The following RBM27 variants were observed in gnomAD, a reference collection of about 807,000 sequenced individuals.
RBM27 encodes RNA-binding protein 27.
Under a neutral mutation model 135.3 loss-of-function variants are expected in RBM27, and 22 were observed. The ratio of observed to expected loss-of-function variants is 0.16; its 90% CI spans 0.12 to 0.23. RBM27 has a LOEUF of 0.23. Among genes scored for constraint, RBM27 ranks in the 10% least tolerant of loss-of-function variants. RBM27 has a pLI of 1.00. For synonymous variants in RBM27, 481 were observed against 442.4 expected, an observed-to-expected ratio of 1.09 and a Z score of -1.10; for missense variants, 1,009 against 1,281.0, an observed-to-expected ratio of 0.79 and a Z score of 3.24.
At chr5:146,267,570 C>G (rs1414566232) in intron 14 of RBM27, 79 bp from the exon 15 acceptor site, 21 of 957,344 alleles carry the variant, frequency 2.2e-5, no homozygotes, top group Non-Finnish European at 3.0e-5. Flanking sequence ...ATATATGCAT[C>G]TTTTCTAAAA....
intron 10 of RBM27, among the ~76,000 whole-genome samples, chr5:146,255,717 T>C (rs1758071836): frequency 1.3e-5 from 2 of 152,204 alleles, no homozygotes; most frequent in South Asian, 4.1e-4. Context: ...CCAGTTTTTT[T>C]CTAGCTATTA....
At chr5:146,265,890 A>G (rs1481348632) in intron 14 of RBM27, among the ~76,000 whole-genome samples, 1 of 152,252 alleles carries the variant, frequency 6.6e-6, no homozygotes, top group Admixed American at 6.5e-5. Context: ...GCATTTGAAT[A>G]GAAACTATCC....
At chr5:146,238,151 A>G (rs1757250741) in intron 8 of RBM27, among the ~76,000 whole-genome samples, 1 of 152,228 alleles carries the variant, frequency 6.6e-6, no homozygotes, top group Non-Finnish European at 1.5e-5. Context: ...AAGGTAGAGC[A>G]TCATTTAAAT....
At chr5:146,267,922 G>T (rs1344928077) in intron 15 of RBM27, among the ~76,000 whole-genome samples, 154 bp downstream of exon 15, 1 of 151,696 alleles carries the variant, frequency 6.6e-6, no homozygotes, top group Non-Finnish European at 1.5e-5. Flanking sequence ...GAAAAAAAAG[G>T]TGGACATACA....
intron 11 of RBM27, among the ~76,000 whole-genome samples, chr5:146,260,301 A>G (rs893948811): frequency 6.9e-6 from 1 of 145,252 alleles, no homozygotes; most frequent in African/African-American, 2.7e-5. Context: ...TCCGTCTACA[A>G]AAAAAAAAAA....
At chr5:146,232,966 C>A (rs1349680104) in intron 6 of RBM27, among the ~76,000 whole-genome samples, 1 of 152,148 alleles carries the variant, frequency 6.6e-6, no homozygotes, top group African/African-American at 2.4e-5. Context: ...TACAGTGCTA[C>A]AAGTGATAAC....
intron 2 of RBM27, among the ~76,000 whole-genome samples, chr5:146,222,134 A>G (rs1310073642): frequency 1.3e-5 from 2 of 152,208 alleles, no homozygotes; most frequent in East Asian, 3.9e-4. Context: ...GGGTCTGATT[A>G]TTGTCTTAAG....
chr5:146,205,044 C>T (rs1321716456), intron 1 of RBM27, among the ~76,000 whole-genome samples: 2 of 152,174 alleles, frequency 1.3e-5, no homozygotes, highest in South Asian at 2.1e-4. Flanking sequence ...ACTACCGGCG[C>T]GCGCCACCAC....
intron 15 of RBM27, among the ~76,000 whole-genome samples, chr5:146,268,596 T>C (rs1758725657): frequency 6.6e-6 from 1 of 152,170 alleles, no homozygotes; most frequent in Admixed American, 6.6e-5. Context: ...TTCTTTTCTT[T>C]TCTTTGAGAC....
At chr5:146,268,628 C>T (rs1758726761) in intron 15 of RBM27, among the ~76,000 whole-genome samples, 1 of 152,138 alleles carries the variant, frequency 6.6e-6, no homozygotes, top group South Asian at 2.1e-4. Context: ...CTGTCACTCA[C>T]GTTGAGTGCA....
intron 1 of RBM27, among the ~76,000 whole-genome samples, chr5:146,215,984 C>T (rs1003363846): frequency 2.0e-5 from 3 of 152,056 alleles, no homozygotes; most frequent in Admixed American, 6.5e-5. Context: ...CTCCTGACCT[C>T]GTGATCCTCC....
intron 20 of RBM27, among the ~76,000 whole-genome samples, chr5:146,285,473 T>C (rs1418867458): frequency 1.3e-5 from 2 of 152,150 alleles, no homozygotes; most frequent in African/African-American, 4.8e-5. Flanking sequence ...CAGATACATC[T>C]ACTTTGTCTA....
At chr5:146,240,290 T>TTCTG (rs574710950) in intron 8 of RBM27, among the ~76,000 whole-genome samples, 13,275 of 146,548 alleles carry the variant, frequency 0.091, 890 homozygotes, top group Admixed American at 0.21. Flanking sequence ...GATTGCTGTT[T>TTCTG]TCTATCTGTC....
chr5:146,226,326 G>A (rs1334053876), intron 3 of RBM27, among the ~76,000 whole-genome samples: 2 of 151,976 alleles, frequency 1.3e-5, no homozygotes. Context: ...AGATGTATCT[G>A]TTTGAGAGGC....
intron 10 of RBM27, among the ~76,000 whole-genome samples, chr5:146,257,772 G>A (rs926038989): frequency 2.6e-5 from 4 of 151,114 alleles, no homozygotes; most frequent in African/African-American, 9.7e-5. Flanking sequence ...TTGATTGCTT[G>A]TATAAGGTGA....
intron 7 of RBM27, among the ~76,000 whole-genome samples, chr5:146,236,844 G>A (rs1414068988): frequency 1.3e-5 from 2 of 150,554 alleles, no homozygotes; most frequent in African/African-American, 2.4e-5. Flanking sequence ...AGCTGATCTC[G>A]AACTTTTGAC....
intron 19 of RBM27, among the ~76,000 whole-genome samples, chr5:146,280,340 C>T (rs1759283785): frequency 6.6e-6 from 1 of 152,186 alleles, no homozygotes; most frequent in African/African-American, 2.4e-5. Flanking sequence ...TAGGCATGTG[C>T]CACCACGCCC....
chr5:146,257,680 AT>A (rs1457553371), intron 10 of RBM27, among the ~76,000 whole-genome samples: 1 of 152,202 alleles, frequency 6.6e-6, no homozygotes, highest in Admixed American at 6.5e-5. Context: ...TAATTCCATA[AT>A]AATATGTAAT....
At chr5:146,283,369 G>A (rs2163755) in intron 19 of RBM27, among the ~76,000 whole-genome samples, 11 of 152,034 alleles carry the variant, frequency 7.2e-5, no homozygotes, top group African/African-American at 2.4e-4. Context: ...GGGAGACCCC[G>A]TCTATAAAAA....
Sources: gnomAD v4.1 joint callset for allele counts (sites outside exome capture counted in the v4.1 genomes callset) on GRCh38, gnomAD v4.1.1 for gene constraint, MANE v1.5 for transcripts, NCBI Gene and HGNC (gene_info 2026-07-23, HGNC 2026-07-21) for gene names.